Variants in PRDM16 observed in about 807,000 individuals in gnomAD.
The protein encoded by PRDM16 is histone-lysine N-methyltransferase PRDM16.
In PRDM16, 23 loss-of-function variants were observed where a neutral mutation model predicts 110.6. The observed-to-expected ratio is 0.21, with a 90% CI of 0.15 to 0.29. PRDM16 has a LOEUF of 0.29. Among genes scored for constraint, PRDM16 ranks in the 10% least tolerant of loss-of-function variants. The pLI is 1.00. For missense variants in PRDM16, 1,615 were observed against 1,794.3 expected (o/e 0.90, Z 1.81); for synonymous variants, 799 against 781.8 (o/e 1.02, Z -0.37).
At chr1:3,221,062 G>C (rs1193210943) in intron 2 of PRDM16, among the ~76,000 whole-genome samples, 1 of 152,242 alleles carries the variant, frequency 6.6e-6, no homozygotes, top group Non-Finnish European at 1.5e-5. Flanking sequence ...AGGTGGAGAG[G>C]GGGGACGGGT....
chr1:3,306,429 G>A lies in PRDM16; in HGVS notation c.438+62292G>A, dbSNP rs114506605. ...CCCCTCTCAACAGGAAGACTTGATC[G>A]TCTGGAAGAACTCAGGTGCTGACAG... is the stretch of plus-strand genomic sequence containing the variant. On this transcript the variant is annotated intron_variant, in intron 3 of 16. Transcript: ENST00000270722. 2.8e-3 allele frequency among the ~76,000 whole-genome samples: 420 copies of A among 152,300 alleles called. 3 individuals carry two copies. The highest frequency in any genetic ancestry group is 5.1e-3 in the Non-Finnish European group (349 of 68,020).
intron 1 of PRDM16, among the ~76,000 whole-genome samples, chr1:3,117,826 G>A (rs1194250716): frequency 3.3e-5 from 5 of 152,158 alleles, no homozygotes; most frequent in Non-Finnish European, 7.3e-5. Flanking sequence ...TGGTCTTGGG[G>A]AGAGGCCTCC....
intron 1 of PRDM16, among the ~76,000 whole-genome samples, chr1:3,115,103 C>CTG (rs1642925595): frequency 6.6e-6 from 1 of 152,272 alleles, no homozygotes; most frequent in Non-Finnish European, 1.5e-5. Flanking sequence ...CTGCAGCCTT[C>CTG]TGTGCCCTGC....
At chr1:3,126,786 G>A (rs1424265215) in intron 1 of PRDM16, among the ~76,000 whole-genome samples, 2 of 152,232 alleles carry the variant, frequency 1.3e-5, no homozygotes, top group Non-Finnish European at 2.9e-5. Flanking sequence ...GATGGTCACA[G>A]CACCTCGAAA....
At chr1:3,281,044 C>T (rs577325363) in intron 3 of PRDM16, among the ~76,000 whole-genome samples, 3 of 152,368 alleles carry the variant, frequency 2.0e-5, no homozygotes, top group Admixed American at 1.3e-4. Context: ...GGTTGTTCAA[C>T]ACCGGGCAAG....
At chr1:3,282,889 G>T (rs1490482733) in intron 3 of PRDM16, among the ~76,000 whole-genome samples, 1 of 152,220 alleles carries the variant, frequency 6.6e-6, no homozygotes, top group Non-Finnish European at 1.5e-5. Flanking sequence ...AGTAGTGAGG[G>T]CTCCCCTGCA....
rs527895544 is a variant in PRDM16, at chr1:3,119,448, G to A, written c.37+50152G>A. On this transcript the variant is annotated intron_variant, in intron 1 of 16. Coordinates refer to ENST00000270722, the MANE Select transcript of PRDM16 (RefSeq NM_022114.4). ...AGCCCTGGCCTCCACAGCCGCCTGG[G>A]CCAGGTTGGGGGACATGGGGGCTGA... Among the ~76,000 whole-genome samples, 9 of 152,322 alleles carry A rather than the reference G, an allele frequency of 5.9e-5. No individual in the cohort carries two copies. The East Asian group carries it at 9.7e-4, about 16-fold the overall frequency.
At position 3,290,713 on chromosome 1, in the gene PRDM16, C is replaced by T. The variant is rs1055684148; in HGVS notation, c.438+46576C>T. On this transcript the variant is annotated intron_variant, in intron 3 of 16. Transcript: ENST00000270722. The surrounding 1 kb of genome is among the most constrained non-coding windows in gnomAD (Gnocchi z 4.8). ...AACAACAGGGCTCCAGGGGGACGTG[C>T]AGGGAGTGGAAGAAACTCAAGCCGG... Among the ~76,000 whole-genome samples the T allele has an allele frequency of 6.6e-6, 1 of 152,064 alleles. No homozygotes were observed. Among genetic ancestry groups the T allele is most frequent in the African/African-American group, 2.4e-5 (1 of 41,404 alleles).
Position 3,148,995 on chromosome 1 carries a change from G to A in PRDM16, c.38-37130G>A, listed in dbSNP as rs965906521. 6.6e-6 allele frequency among the ~76,000 whole-genome samples: 1 copy of A among 152,194 alleles called. No homozygotes were observed. Among genetic ancestry groups the A allele is most frequent in the African/African-American group, 2.4e-5 (1 of 41,454 alleles). On this transcript the variant is annotated intron_variant, in intron 1 of 16. Coordinates refer to ENST00000270722, the MANE Select transcript of PRDM16 (RefSeq NM_022114.4). This position sits in a 1 kb window ranked among gnomAD's most constrained non-coding sequence, Gnocchi z 5.0. ...GGGGTCATGGGAGCCCCCCATCCCAGGGGCCCTCCGGCTTTGGCCACCCCG... is the reference window on the plus strand; with the variant it reads ...GGGGTCATGGGAGCCCCCCATCCCAAGGGCCCTCCGGCTTTGGCCACCCCG...
chr1:3,141,625 C>T (rs1226728650), intron 1 of PRDM16, among the ~76,000 whole-genome samples: 3 of 152,218 alleles, frequency 2.0e-5, no homozygotes, highest in African/African-American at 4.8e-5. Context: ...AAGCCCAGGG[C>T]GGGCCACAAC....
intron 3 of PRDM16, among the ~76,000 whole-genome samples, chr1:3,327,762 C>T (rs1233205126): frequency 6.6e-6 from 1 of 152,170 alleles, no homozygotes; most frequent in African/African-American, 2.4e-5. Context: ...GCAGGGGAGA[C>T]CTCAAGAGAT....
rs1481580757 is a variant in PRDM16 at position 3,081,424 on chromosome 1, GC to G, written c.37+12132del. On this transcript the variant is annotated intron_variant, in intron 1 of 16. Transcript: ENST00000270722. The surrounding 1 kb of genome is among the most constrained non-coding windows in gnomAD (Gnocchi z 4.6). ...CCATTCCTGCAGCCTGGCCCGGCCG[GC>G]CCCTGGAGAGCCCCCTCCTTGTCCC... Among the ~76,000 whole-genome samples, 1 of 152,176 alleles carries G rather than the reference GC, an allele frequency of 6.6e-6. No individual in the cohort carries two copies. Among genetic ancestry groups the G allele is most frequent in the Non-Finnish European group, 1.5e-5 (1 of 68,028 alleles).
At chr1:3,070,477 C>T (rs1404402340) in intron 1 of PRDM16, among the ~76,000 whole-genome samples, 1 of 149,606 alleles carries the variant, frequency 6.7e-6, no homozygotes, top group Non-Finnish European at 1.5e-5. Flanking sequence ...GCGAAGCGGC[C>T]AGCGCCGCGC....
chr1:3,194,592 T>C (rs1316731927), intron 2 of PRDM16, among the ~76,000 whole-genome samples: 1 of 148,408 alleles, frequency 6.7e-6, no homozygotes, highest in Admixed American at 6.7e-5. Flanking sequence ...CACGCCACCG[T>C]CTCCCCACCA....
intron 3 of PRDM16, among the ~76,000 whole-genome samples, chr1:3,365,208 G>A (rs1006687964): frequency 1.3e-5 from 2 of 152,176 alleles, no homozygotes; most frequent in Admixed American, 6.5e-5. Context: ...TTGGGTGGGC[G>A]CAGTGACCCT....
intron 3 of PRDM16, among the ~76,000 whole-genome samples, chr1:3,333,139 T>C (rs996082538): frequency 1.3e-5 from 2 of 152,136 alleles, no homozygotes; most frequent in African/African-American, 4.8e-5. Flanking sequence ...ACTCCTCAGC[T>C]TACAGTGGCA....
At chr1:3,097,184 T>C (rs1229262075) in intron 1 of PRDM16, among the ~76,000 whole-genome samples, 1 of 150,936 alleles carries the variant, frequency 6.6e-6, no homozygotes, top group Non-Finnish European at 1.5e-5. Context: ...GGAGCCTCTC[T>C]CTGTACCCAC....
intron 1 of PRDM16, among the ~76,000 whole-genome samples, chr1:3,121,891 G>A (rs955054627): frequency 6.6e-6 from 1 of 152,242 alleles, no homozygotes; most frequent in Non-Finnish European, 1.5e-5. Context: ...AGTACCCTGG[G>A]TGATGTAGTG....
intron 1 of PRDM16, among the ~76,000 whole-genome samples, chr1:3,120,127 G>T (rs1055620336): frequency 1.4e-5 from 2 of 143,786 alleles, no homozygotes; most frequent in African/African-American, 5.5e-5. Flanking sequence ...CTTCCGTGGG[G>T]GATGGCAGGG....
Sources: gnomAD v4.1 joint callset for allele counts (sites outside exome capture counted in the v4.1 genomes callset) on GRCh38, gnomAD v4.1.1 for gene constraint, Gnocchi (gnomAD v3.1) non-coding constraint, MANE v1.5 for transcripts, NCBI Gene and HGNC (gene_info 2026-07-23, HGNC 2026-07-21) for gene names.